RAP1B: variants seen among roughly 807,000 people sequenced by gnomAD.
RAP1B encodes ras-related protein Rap-1b.
RAP1B carries 1 observed loss-of-function variant against 27.5 expected under a neutral mutation model. That is an observed-to-expected ratio of 0.04 (90% CI 0.01 to 0.17). RAP1B has a LOEUF of 0.17. Among genes scored for constraint, RAP1B ranks in the 10% least tolerant of loss-of-function variants. The probability of loss-of-function intolerance (pLI) is 1.00; values close to 1 mark genes in which losing one functional copy is unlikely to be tolerated. For missense variants in RAP1B, 84 were observed against 214.8 expected, an observed-to-expected ratio of 0.39 and a Z score of 3.81; for synonymous variants, 75 against 73.1, an observed-to-expected ratio of 1.03 and a Z score of -0.13.
At chr12:68,643,008 C>T (rs1021146759) in intron 1 of RAP1B, 2 of 783,406 alleles carry the variant, frequency 2.6e-6, no homozygotes, top group Non-Finnish European at 4.7e-6. Context: ...GGATTCTTCA[C>T]CGACCCTGGC....
chr12:68,642,839 A>G, intron 1 of RAP1B: 1 of 994,678 alleles, frequency 1.0e-6, no homozygotes, highest in Non-Finnish European at 1.6e-6. Context: ...AGCCCAGTCG[A>G]TAACCGGTGG....
At chr12:68,620,240 G>C (rs1002247789) in intron 1 of RAP1B, among the ~76,000 whole-genome samples, 1 of 147,996 alleles carries the variant, frequency 6.8e-6, no homozygotes, top group Non-Finnish European at 1.5e-5. Flanking sequence ...TTTTAAGACT[G>C]AGTCTCTCTA....
At chr12:68,611,697 T>G (rs2956530) in intron 1 of RAP1B, among the ~76,000 whole-genome samples, 4 of 152,248 alleles carry the variant, frequency 2.6e-5, no homozygotes, top group Admixed American at 2.0e-4. Context: ...AGAGCCCCAC[T>G]TAGTCTGGCA....
At chr12:68,611,321 T>C (rs1371505155) in intron 1 of RAP1B, among the ~76,000 whole-genome samples, 1 of 150,590 alleles carries the variant, frequency 6.6e-6, no homozygotes, top group Non-Finnish European at 1.5e-5. Flanking sequence ...GTCTGAAATA[T>C]GGCGGAGGAA....
intron 1 of RAP1B, among the ~76,000 whole-genome samples, chr12:68,629,740 A>G (rs1349135526): frequency 6.6e-6 from 1 of 152,202 alleles, no homozygotes; most frequent in African/African-American, 2.4e-5. Flanking sequence ...TACCTGTCAC[A>G]TAGAGGTATT....
intron 2 of RAP1B, 126 bp downstream of exon 2, chr12:68,648,907 T>C: frequency 2.3e-6 from 2 of 867,388 alleles, no homozygotes; most frequent in Non-Finnish European, 3.5e-6. Flanking sequence ...CAATATAATA[T>C]TTTTCTTGTA....
intron 4 of RAP1B, 147 bp from the exon 5 acceptor site, chr12:68,653,965 A>G (rs1429784140): frequency 2.5e-5 from 18 of 731,214 alleles, no homozygotes; most frequent in Non-Finnish European, 3.4e-5. Flanking sequence ...AATTTTTTCA[A>G]ATAGTATCTT....
chr12:68,636,446 T>A (rs1300434499), intron 1 of RAP1B, among the ~76,000 whole-genome samples: 9 of 152,212 alleles, frequency 5.9e-5, no homozygotes, highest in Admixed American at 5.9e-4. Flanking sequence ...TTTGTTTGTT[T>A]TAGAAACAAG....
In RAP1B at chr12:68,656,437, A is replaced by C. The variant is rs1339020544; in HGVS notation, c.456A>C (p.Ile152=). Residue 152 remains isoleucine, a synonymous_variant, in exon 6 of 8, where the codon ATA becomes ATC. Transcript: ENST00000250559. ...TAGAATCTTCTGCAAAATCAAAAAT[A>C]AATGTTAATGAGGTATGGTCAAATA... ...AFLESSAKSK[I]NVNEIFYDLV... 6.2e-7 allele frequency: 1 copy of C among 1,610,076 alleles called. No individual in the cohort carries two copies. The highest frequency in any genetic ancestry group is 1.3e-5 in the African/African-American group (1 of 74,854).
intron 1 of RAP1B, among the ~76,000 whole-genome samples, chr12:68,632,143 T>G (rs557241401): frequency 3.4e-4 from 46 of 135,008 alleles, no homozygotes; most frequent in East Asian, 1.8e-3. Flanking sequence ...TTTTTTTTTT[T>G]TTGTTTGTTT....
At chr12:68,637,613 A>C (rs868054151) in intron 1 of RAP1B, among the ~76,000 whole-genome samples, 23 of 148,768 alleles carry the variant, frequency 1.5e-4, no homozygotes, top group African/African-American at 2.0e-4. Flanking sequence ...AAAAAAAAAA[A>C]AAAAAAAAAA....
chr12:68,615,472 C>A (rs1055281620), intron 1 of RAP1B, among the ~76,000 whole-genome samples: 1 of 151,540 alleles, frequency 6.6e-6, no homozygotes, highest in Admixed American at 6.6e-5. Context: ...GCCTGTAATC[C>A]GAGCTGCTTG....
intron 3 of RAP1B, 46 bp from the exon 4 acceptor site, chr12:68,651,949 T>C (rs1425239478): frequency 1.3e-6 from 2 of 1,500,390 alleles, no homozygotes; most frequent in African/African-American, 2.8e-5. Flanking sequence ...TAAGGTAGTT[T>C]TATGTACATT....
At chr12:68,643,248 C>T (rs1463981438) in intron 1 of RAP1B, among the ~76,000 whole-genome samples, 1 of 152,030 alleles carries the variant, frequency 6.6e-6, no homozygotes, top group Non-Finnish European at 1.5e-5. Context: ...TCCTTATTTT[C>T]TACTGATGTA....
chr12:68,650,489 C>T (rs747106955), intron 3 of RAP1B, 21 bp downstream of exon 3: 21 of 1,451,204 alleles, frequency 1.4e-5, no homozygotes, highest in Non-Finnish European at 1.7e-5. Context: ...CTTTGGAAGG[C>T]CTTTTGCTTT....
intron 1 of RAP1B, among the ~76,000 whole-genome samples, chr12:68,639,289 A>ATT (rs1407441928): frequency 6.6e-6 from 1 of 152,116 alleles, no homozygotes; most frequent in Non-Finnish European, 1.5e-5. Flanking sequence ...AGTGTTCAGT[A>ATT]TTTCCCCTTT....
intron 1 of RAP1B, among the ~76,000 whole-genome samples, chr12:68,622,229 T>C (rs1871435315): frequency 6.6e-6 from 1 of 152,236 alleles, no homozygotes; most frequent in South Asian, 2.1e-4. Flanking sequence ...GTTTCTGTAA[T>C]ACCACCCTTG....
At position 68,629,777 on chromosome 12, in the gene RAP1B, A is replaced by G. The variant is rs561984362; in HGVS notation, c.-27+18734A>G. The stretch of plus-strand genomic sequence containing the variant: ...AATGAATGTTATAAATATGATAGCT[A>G]TCTATGCCAGAAATCGTTGGTTTTG... On this transcript the variant is annotated intron_variant, in intron 1 of 7. Coordinates refer to ENST00000250559, the MANE Select transcript of RAP1B (RefSeq NM_001010942.3). Among the ~76,000 whole-genome samples, 11 of 152,320 alleles carry G rather than the reference A, an allele frequency of 7.2e-5. No homozygotes were observed. In the South Asian group the frequency reaches 1.4e-3, roughly 20 times the overall value.
intron 1 of RAP1B, among the ~76,000 whole-genome samples, chr12:68,634,800 A>C (rs1194329747): frequency 6.6e-6 from 1 of 152,214 alleles, no homozygotes; most frequent in Non-Finnish European, 1.5e-5. Flanking sequence ...AAGCTGGAAA[A>C]GCTAACCTTA....
Sources: gnomAD v4.1 joint callset for allele counts (sites outside exome capture counted in the v4.1 genomes callset) on GRCh38, gnomAD v4.1.1 for gene constraint, MANE v1.5 for transcripts, NCBI Gene and HGNC (gene_info 2026-07-23, HGNC 2026-07-21) for gene names.